The following DPP6 variants were observed in gnomAD, a reference collection of about 807,000 sequenced individuals.
The protein encoded by DPP6 is dipeptidyl peptidase like 6.
Under a neutral mutation model 122.6 loss-of-function variants are expected in DPP6, and 69 were observed. That is an observed-to-expected ratio of 0.56 (90% CI 0.46 to 0.69). DPP6 has a LOEUF of 0.69. Among genes scored for constraint, DPP6 ranks in the 30% least tolerant of loss-of-function variants. The pLI is 0.00. For synonymous variants in DPP6, 418 were observed against 433.1 expected, an observed-to-expected ratio of 0.97 and a Z score of 0.43; for missense variants, 928 against 1,116.9, an observed-to-expected ratio of 0.83 and a Z score of 2.41.
intron 1 of DPP6, among the ~76,000 whole-genome samples, chr7:154,086,697 C>A (rs916587643): frequency 2.0e-5 from 3 of 151,026 alleles, no homozygotes; most frequent in African/African-American, 7.3e-5. Flanking sequence ...CGGCTCACTG[C>A]AACCTCTGCC....
At chr7:154,036,522 A>C (rs541434379) in intron 1 of DPP6, among the ~76,000 whole-genome samples, 1 of 151,140 alleles carries the variant, frequency 6.6e-6, no homozygotes, top group East Asian at 1.9e-4. Flanking sequence ...ACCATTTGTG[A>C]AGCCATCCAG....
intron 1 of DPP6, among the ~76,000 whole-genome samples, chr7:154,015,143 C>T (rs1314734255): frequency 6.6e-6 from 1 of 152,012 alleles, no homozygotes; most frequent in East Asian, 1.9e-4. Context: ...AGAATCTCCT[C>T]TCTCCTCACC....
Position 154,690,514 on chromosome 7 carries a change from G to A in DPP6, c.762+21073G>A, listed in dbSNP as rs140690569. ...AGAATGGAACGGTGCCCATGAGACT[G>A]TAGGACTTCATGACCTTCAGCTGTT... On this transcript the variant is annotated intron_variant, in intron 7 of 25. Coordinates refer to ENST00000377770, the MANE Select transcript of DPP6 (RefSeq NM_130797.4). 1.0e-3 allele frequency among the ~76,000 whole-genome samples: 154 copies of A among 152,228 alleles called. No homozygotes were observed. The Middle Eastern group carries it at 0.01, about 10-fold the overall frequency.
intron 7 of DPP6, among the ~76,000 whole-genome samples, chr7:154,711,870 G>A (rs1006134504): frequency 6.6e-6 from 1 of 151,778 alleles, no homozygotes; most frequent in Non-Finnish European, 1.5e-5. Context: ...GGAACATGCA[G>A]ATTGTGCTTT....
chr7:154,432,929 C>T (rs1818547545), intron 1 of DPP6, among the ~76,000 whole-genome samples: 1 of 151,994 alleles, frequency 6.6e-6, no homozygotes, highest in Non-Finnish European at 1.5e-5. Flanking sequence ...GTAAGACAGC[C>T]AATCAGAATC....
chr7:153,939,460 A>G (rs1166148040), intron 1 of DPP6, among the ~76,000 whole-genome samples: 2 of 152,186 alleles, frequency 1.3e-5, no homozygotes, highest in Non-Finnish European at 2.9e-5. Context: ...CAGACGTTAA[A>G]CCAACAATTA....
At chr7:154,469,160 C>G (rs1822040593) in intron 2 of DPP6, among the ~76,000 whole-genome samples, 1 of 151,920 alleles carries the variant, frequency 6.6e-6, no homozygotes, top group Non-Finnish European at 1.5e-5. Flanking sequence ...ATAGTAGCTC[C>G]TGGTAGCAGA....
chr7:154,179,812 T>A (rs1797982755), intron 1 of DPP6, among the ~76,000 whole-genome samples: 2 of 152,216 alleles, frequency 1.3e-5, no homozygotes, highest in Admixed American at 1.3e-4. Context: ...ACATTGAGCA[T>A]ATACACTTTC....
At chr7:154,588,018 T>A (rs1832579469) in intron 5 of DPP6, 2 of 1,612,786 alleles carry the variant, frequency 1.2e-6, no homozygotes, top group African/African-American at 1.3e-5. Context: ...AGGCATCGCA[T>A]CTGCTCACCC....
chr7:154,330,217 G>A (rs1808800274), intron 1 of DPP6, among the ~76,000 whole-genome samples: 1 of 152,224 alleles, frequency 6.6e-6, no homozygotes, highest in African/African-American at 2.4e-5. Context: ...CATGTGGCTG[G>A]TGACTGAGAG....
At chr7:153,784,057 G>A in the DPP6 span, among the ~76,000 whole-genome samples, 1 of 152,200 alleles carries the variant, frequency 6.6e-6, no homozygotes, top group Admixed American at 6.5e-5. Context: ...ATGTTGGTTT[G>A]CCATTTAGCT....
chr7:154,372,189 A>G (rs965783996), intron 1 of DPP6, among the ~76,000 whole-genome samples: 2 of 152,112 alleles, frequency 1.3e-5, no homozygotes, highest in African/African-American at 4.8e-5. Context: ...CCAGGCAGAA[A>G]TGGTTTGGAG....
At position 154,076,398 on chromosome 7, in the gene DPP6, C is replaced by A. The variant is rs568708501; in HGVS notation, c.243+23335C>A. On this transcript the variant is annotated intron_variant, in intron 1 of 25. Coordinates refer to ENST00000377770, the MANE Select transcript of DPP6 (RefSeq NM_130797.4). ...CTGGGAGGCGGAGGTTGCAGTGAGC[C>A]GAGATTGTGGCAATGCACTCCAGCC... is the stretch of plus-strand genomic sequence containing the variant. Among the ~76,000 whole-genome samples, 52 of 151,578 alleles carry A rather than the reference C, an allele frequency of 3.4e-4. 1 individual carries two copies. The highest frequency in any genetic ancestry group is 9.9e-4 in the African/African-American group (41 of 41,280).
At chr7:154,349,586 C>A (rs1242074543) in intron 1 of DPP6, among the ~76,000 whole-genome samples, 1 of 152,208 alleles carries the variant, frequency 6.6e-6, no homozygotes, top group African/African-American at 2.4e-5. Context: ...AGCTATGGAT[C>A]ATCAGTGCCA....
chr7:154,841,927 T>A (rs1222741062), intron 16 of DPP6, among the ~76,000 whole-genome samples: 2 of 151,980 alleles, frequency 1.3e-5, no homozygotes, highest in African/African-American at 4.8e-5. Flanking sequence ...ATAACAAGGT[T>A]TCCAAATCAA....
At chr7:154,424,493 G>C (rs1179029153) in intron 1 of DPP6, among the ~76,000 whole-genome samples, 1 of 152,124 alleles carries the variant, frequency 6.6e-6, no homozygotes, top group Non-Finnish European at 1.5e-5. Context: ...AGCAATCGCT[G>C]CCTGTGTTTT....
chr7:154,679,978 G>C (rs1403655204), intron 7 of DPP6, among the ~76,000 whole-genome samples: 1 of 152,158 alleles, frequency 6.6e-6, no homozygotes, highest in African/African-American at 2.4e-5. Flanking sequence ...AAGTAAATAA[G>C]CTGAGTTTTT....
At position 154,101,052 on chromosome 7, in the gene DPP6, C is replaced by T. The variant is rs1354543826; in HGVS notation, c.243+47989C>T. ...GTGTTTACCTCTTCGGCCTTTCCACCCCTCCAGAGGTCCGCCTCTTGTCTC... is the reference window on the plus strand; with the variant it reads ...GTGTTTACCTCTTCGGCCTTTCCACTCCTCCAGAGGTCCGCCTCTTGTCTC... On this transcript the variant is annotated intron_variant, in intron 1 of 25. Coordinates refer to ENST00000377770, the MANE Select transcript of DPP6 (RefSeq NM_130797.4). 2.4e-5 allele frequency among the ~76,000 whole-genome samples: 3 copies of T among 127,352 alleles called. 1 individual carries two copies. Among genetic ancestry groups the T allele is most frequent in the East Asian group, 5.5e-4 (2 of 3,642 alleles). The allele number at this position is 127,352 out of a possible 152,430, so 83.5% of individuals were successfully genotyped here. A position where few individuals can be genotyped will look rare whatever the true frequency, so the allele number is the denominator to read the frequency against.
At chr7:154,351,837 G>C (rs960973152) in intron 1 of DPP6, among the ~76,000 whole-genome samples, 1 of 152,132 alleles carries the variant, frequency 6.6e-6, no homozygotes, top group South Asian at 2.1e-4. Context: ...GCTGAGCACC[G>C]GCTTGTCTCA....
Sources: gnomAD v4.1 joint callset for allele counts (sites outside exome capture counted in the v4.1 genomes callset) on GRCh38, gnomAD v4.1.1 for gene constraint, MANE v1.5 for transcripts, NCBI Gene and HGNC (gene_info 2026-07-23, HGNC 2026-07-21) for gene names.